Variants in DLG2 observed in about 807,000 individuals in gnomAD.
DLG2 encodes discs large MAGUK scaffold protein 2, also known as disks large homolog 2.
DLG2 carries 45 observed loss-of-function variants against 132.5 expected under a neutral mutation model. That is an observed-to-expected ratio of 0.34 (90% confidence interval 0.27 to 0.44). DLG2 has a LOEUF of 0.44. Ranked by LOEUF, DLG2 falls within the 20% of genes least tolerant of loss-of-function variation. The probability of loss-of-function intolerance (pLI) is 1.00; values close to 1 mark genes in which losing one functional copy is unlikely to be tolerated. For synonymous variants in DLG2, 424 were observed against 419.6 expected (o/e 1.01, Z -0.13); for missense variants, 1,045 against 1,196.9 (o/e 0.87, Z 1.87).
At chr11:84,704,497 T>A (rs1329727624) in intron 6 of DLG2, among the ~76,000 whole-genome samples, 1 of 151,476 alleles carries the variant, frequency 6.6e-6, no homozygotes, top group Non-Finnish European at 1.5e-5. Flanking sequence ...AGTCATTCCT[T>A]CATGTATACA....
At chr11:85,500,314 T>C (rs1434476851) in intron 3 of DLG2, among the ~76,000 whole-genome samples, 1 of 135,906 alleles carries the variant, frequency 7.4e-6, no homozygotes, top group Non-Finnish European at 1.5e-5. Context: ...CACCGCATAT[T>C]CTCACTCATA....
chr11:84,830,370 G>GTT lies in DLG2; in HGVS notation c.357+281289_357+281290dup, dbSNP rs1367498436. On this transcript the variant is annotated intron_variant, in intron 6 of 27. Transcript: ENST00000376104. Reference sequence around the variant, plus strand: ...AATTTTGACAGCAGGCGTCATCTACGTTTTTTTTTTTTTGGCAAGTGGAGG... The same window carrying GTT: ...AATTTTGACAGCAGGCGTCATCTACGTTTTTTTTTTTTTTTGGCAAGTGGAGG... Among the ~76,000 whole-genome samples, 11 of 141,958 alleles carry GTT rather than the reference G, an allele frequency of 7.7e-5. 1 individual carries two copies. The highest frequency in any genetic ancestry group is 1.4e-4 in the Non-Finnish European group (9 of 64,818). 93.1% of individuals were successfully genotyped at this position (141,958 alleles called of 152,430 possible).
chr11:84,421,984 G>A (rs1231011147), intron 7 of DLG2, among the ~76,000 whole-genome samples: 1 of 152,162 alleles, frequency 6.6e-6, no homozygotes, highest in Non-Finnish European at 1.5e-5. Context: ...TACAAATTGT[G>A]TTGAGTCTAG....
intron 6 of DLG2, among the ~76,000 whole-genome samples, chr11:85,027,956 G>C (rs1181690738): frequency 6.6e-6 from 1 of 152,202 alleles, no homozygotes; most frequent in African/African-American, 2.4e-5. Flanking sequence ...CCATTTGGCA[G>C]GTCCTAAGTT....
At chr11:84,219,809 G>A (rs910442243) in intron 8 of DLG2, among the ~76,000 whole-genome samples, 6 of 152,096 alleles carry the variant, frequency 3.9e-5, no homozygotes, top group Non-Finnish European at 5.9e-5. Context: ...TTACGGTTGG[G>A]CTTCATTTGT....
At chr11:84,554,981 T>A (rs1267827364) in intron 6 of DLG2, among the ~76,000 whole-genome samples, 4 of 151,798 alleles carry the variant, frequency 2.6e-5, no homozygotes, top group African/African-American at 9.7e-5. Context: ...GTGTGGTAGG[T>A]TCAAGGAATT....
intron 11 of DLG2, among the ~76,000 whole-genome samples, chr11:84,058,351 C>T (rs2096536792): frequency 6.6e-6 from 1 of 151,604 alleles, no homozygotes. Context: ...GAGTTCAAAG[C>T]ATTATTCTTA....
At chr11:84,892,841 C>T (rs908918287) in intron 6 of DLG2, among the ~76,000 whole-genome samples, 4 of 151,940 alleles carry the variant, frequency 2.6e-5, no homozygotes, top group African/African-American at 7.3e-5. Flanking sequence ...CCTATACTTG[C>T]CAACCCTAGC....
At chr11:85,169,529 T>A (rs976896049) in intron 4 of DLG2, among the ~76,000 whole-genome samples, 1 of 152,118 alleles carries the variant, frequency 6.6e-6, no homozygotes, top group Non-Finnish European at 1.5e-5. Context: ...GATGAGGGAA[T>A]GTAGGCAATT....
At chr11:85,514,256 A>T (rs776554274) in intron 3 of DLG2, among the ~76,000 whole-genome samples, 10 of 152,040 alleles carry the variant, frequency 6.6e-5, no homozygotes, top group Non-Finnish European at 1.5e-4. Context: ...AAATGCAGAA[A>T]TGTAAGGCTC....
intron 11 of DLG2, among the ~76,000 whole-genome samples, chr11:83,992,418 G>C (rs894446003): frequency 5.3e-5 from 8 of 152,080 alleles, no homozygotes; most frequent in African/African-American, 1.9e-4. Context: ...GATAACTTCA[G>C]GTCATTATAT....
intron 3 of DLG2, among the ~76,000 whole-genome samples, chr11:85,461,909 A>C (rs968007121): frequency 6.6e-6 from 1 of 152,208 alleles, no homozygotes; most frequent in East Asian, 1.9e-4. Context: ...CTCATCTGAC[A>C]AAGGGCTAAT....
At chr11:84,332,706 C>G (rs562462261) in intron 7 of DLG2, among the ~76,000 whole-genome samples, 1 of 152,230 alleles carries the variant, frequency 6.6e-6, no homozygotes, top group South Asian at 2.1e-4. Context: ...AAACTTACTG[C>G]CTATTTGCAT....
chr11:84,224,483 T>G (rs1049776624), intron 8 of DLG2, among the ~76,000 whole-genome samples: 6 of 152,374 alleles, frequency 3.9e-5, no homozygotes, highest in Middle Eastern at 3.4e-3. Context: ...CATCATTTCC[T>G]AGGAATTGGC....
intron 17 of DLG2, among the ~76,000 whole-genome samples, chr11:83,807,976 T>C (rs186703677): frequency 3.0e-4 from 45 of 152,292 alleles, no homozygotes; most frequent in African/African-American, 1.1e-3. Context: ...CACTCCTATC[T>C]TTGACAGTCA....
chr11:85,539,635 G>A (rs2075829075), intron 3 of DLG2, among the ~76,000 whole-genome samples: 2 of 152,188 alleles, frequency 1.3e-5, no homozygotes, highest in South Asian at 4.2e-4. Flanking sequence ...CACTTTAAAA[G>A]AGTAACTATC....
chr11:85,040,806 A>G (rs904400519), intron 6 of DLG2, among the ~76,000 whole-genome samples: 5 of 151,902 alleles, frequency 3.3e-5, no homozygotes, highest in African/African-American at 1.2e-4. Context: ...TAGCATAGAA[A>G]TTCACCAAGA....
intron 8 of DLG2, among the ~76,000 whole-genome samples, chr11:84,184,026 C>A (rs12272414): frequency 0.15 from 22,584 of 151,634 alleles, 1,885 homozygotes; most frequent in East Asian, 0.24. Context: ...AATAATGCCG[C>A]AATAAACATA....
At chr11:83,787,450 T>A (rs1468232493) in intron 17 of DLG2, among the ~76,000 whole-genome samples, 1 of 150,474 alleles carries the variant, frequency 6.6e-6, no homozygotes, top group Non-Finnish European at 1.5e-5. Flanking sequence ...GCCTCCCAAG[T>A]AGCTGGGATT....
Sources: gnomAD v4.1 joint callset for allele counts (sites outside exome capture counted in the v4.1 genomes callset) on GRCh38, gnomAD v4.1.1 for gene constraint, MANE v1.5 for transcripts, NCBI Gene and HGNC (gene_info 2026-07-23, HGNC 2026-07-21) for gene names.